The following CCDC148 variants were observed in gnomAD, a reference collection of about 807,000 sequenced individuals.
CCDC148 encodes the protein coiled-coil domain containing 148, also known as coiled-coil domain-containing protein 148.
A neutral mutation model predicts 85.7 loss-of-function variants in CCDC148; 89 were observed. That is an observed-to-expected ratio of 1.04 (90% confidence interval 0.87 to 1.24). The LOEUF (loss-of-function observed/expected upper bound fraction) is 1.24, where lower values mean the gene tolerates loss of function less well. Among genes scored for constraint, CCDC148 ranks in the 50% most tolerant of loss-of-function variants. The pLI is 0.00. For synonymous variants in CCDC148, 230 were observed against 213.9 expected (o/e 1.08, Z -0.66); for missense variants, 692 against 671.7 (o/e 1.03, Z -0.33).
At chr2:158,329,667 G>A (rs1692989148) in intron 7 of CCDC148, among the ~76,000 whole-genome samples, 1 of 151,946 alleles carries the variant, frequency 6.6e-6, no homozygotes, top group Admixed American at 6.6e-5. Flanking sequence ...CCATTTGTTT[G>A]TATCCTCTTT....
At chr2:158,174,468 A>G (rs953320608) in intron 13 of CCDC148, among the ~76,000 whole-genome samples, 4 of 151,918 alleles carry the variant, frequency 2.6e-5, no homozygotes, top group African/African-American at 9.6e-5. Context: ...ACCCCCACCA[A>G]TTTTCCATTC....
At chr2:158,192,125 A>G (rs189478500) in intron 11 of CCDC148, among the ~76,000 whole-genome samples, 104 of 152,210 alleles carry the variant, frequency 6.8e-4, no homozygotes, top group African/African-American at 2.4e-3. Flanking sequence ...AATAATATGT[A>G]GATCACTGAT....
At chr2:158,281,144 T>C (rs1690270748) in intron 9 of CCDC148, among the ~76,000 whole-genome samples, 1 of 152,112 alleles carries the variant, frequency 6.6e-6, no homozygotes, top group South Asian at 2.1e-4. Flanking sequence ...ACAGGGAAAT[T>C]TATAGCACTA....
At chr2:158,421,774 C>A (rs569701017) in intron 1 of CCDC148, among the ~76,000 whole-genome samples, 6 of 152,048 alleles carry the variant, frequency 3.9e-5, no homozygotes, top group African/African-American at 1.4e-4. Flanking sequence ...CACAAAAAAC[C>A]CTTCAAAAAA....
At chr2:158,277,051 T>C (rs964742381) in intron 9 of CCDC148, among the ~76,000 whole-genome samples, 9 of 152,180 alleles carry the variant, frequency 5.9e-5, no homozygotes, top group Admixed American at 1.3e-4. Context: ...GTAGCTCAAC[T>C]CTCCTCTTTG....
intron 1 of CCDC148, among the ~76,000 whole-genome samples, chr2:158,371,646 A>G (rs1684445113): frequency 6.6e-6 from 1 of 151,378 alleles, no homozygotes; most frequent in South Asian, 2.1e-4. Flanking sequence ...ATCTTTCCAT[A>G]TCATTCTATT....
intron 11 of CCDC148, among the ~76,000 whole-genome samples, chr2:158,207,954 G>GACACACACAC (rs34660144): frequency 1.5e-4 from 22 of 149,092 alleles, no homozygotes; most frequent in African/African-American, 2.9e-4. Flanking sequence ...ATTTTGATCT[G>GACACACACAC]ACACACACAC....
chr2:158,199,737 T>G (rs915113115), intron 11 of CCDC148, among the ~76,000 whole-genome samples: 1 of 152,170 alleles, frequency 6.6e-6, no homozygotes, highest in Non-Finnish European at 1.5e-5. Flanking sequence ...ATGACAGTTA[T>G]TAGTAAAAAT....
At chr2:158,319,661 C>T (rs1559067674) in intron 7 of CCDC148, among the ~76,000 whole-genome samples, 1 of 152,132 alleles carries the variant, frequency 6.6e-6, no homozygotes, top group Non-Finnish European at 1.5e-5. Context: ...ATTGGGTATT[C>T]TCTTATAGCT....
At chr2:158,229,919 T>C (rs571272300) in intron 10 of CCDC148, among the ~76,000 whole-genome samples, 4 of 152,158 alleles carry the variant, frequency 2.6e-5, no homozygotes, top group Non-Finnish European at 5.9e-5. Flanking sequence ...AGCAACTCGC[T>C]TTTTCCCATG....
chr2:158,231,597 C>T (rs1366334385), intron 10 of CCDC148, among the ~76,000 whole-genome samples: 1 of 152,120 alleles, frequency 6.6e-6, no homozygotes, highest in East Asian at 1.9e-4. Flanking sequence ...TCTCCCTCTC[C>T]CTCTCCTCCA....
intron 3 of CCDC148, among the ~76,000 whole-genome samples, chr2:158,343,978 C>T (rs1574657145): frequency 6.6e-6 from 1 of 152,004 alleles, no homozygotes; most frequent in Non-Finnish European, 1.5e-5. Context: ...GATATGTATA[C>T]ACCTCTTCTA....
chr2:158,270,692 A>G (rs1358799512), intron 9 of CCDC148, among the ~76,000 whole-genome samples: 1 of 152,234 alleles, frequency 6.6e-6, no homozygotes, highest in Admixed American at 6.5e-5. Context: ...AGATTTCTCA[A>G]GTTCCTTGAT....
chr2:158,454,255 T>C (rs1241006276), intron 1 of CCDC148, among the ~76,000 whole-genome samples: 2 of 152,040 alleles, frequency 1.3e-5, no homozygotes, highest in African/African-American at 2.4e-5. Flanking sequence ...TAGATAGAGA[T>C]GGTGGTAGGG....
chr2:158,325,873 C>A (rs924967705), intron 7 of CCDC148, among the ~76,000 whole-genome samples: 7 of 152,124 alleles, frequency 4.6e-5, no homozygotes, highest in Non-Finnish European at 1.0e-4. Flanking sequence ...TAAAATATAT[C>A]CAAGAGCTGA....
At chr2:158,439,112 C>A (rs567310481) in intron 1 of CCDC148, among the ~76,000 whole-genome samples, 1 of 152,248 alleles carries the variant, frequency 6.6e-6, no homozygotes, top group South Asian at 2.1e-4. Context: ...TTGACCCAGC[C>A]ATCCCATTAC....
intron 1 of CCDC148, among the ~76,000 whole-genome samples, chr2:158,419,581 T>C (rs1474050737): frequency 6.6e-6 from 1 of 152,218 alleles, no homozygotes; most frequent in African/African-American, 2.4e-5. Flanking sequence ...GGATTAGTAA[T>C]GTTTGTATGC....
intron 1 of CCDC148, among the ~76,000 whole-genome samples, chr2:158,362,694 T>C (rs188799933): frequency 1.3e-5 from 2 of 152,224 alleles, no homozygotes; most frequent in Admixed American, 1.3e-4. Context: ...TTGATAGCAC[T>C]AAATGCCCAC....
At chr2:158,360,329 C>T (rs1213418454) in intron 1 of CCDC148, among the ~76,000 whole-genome samples, 1 of 152,176 alleles carries the variant, frequency 6.6e-6, no homozygotes. Context: ...TGCTAGGGGT[C>T]AGACTGCCTC....
Sources: allele counts gnomAD v4.1 joint callset (sites outside exome capture counted in the v4.1 genomes callset), GRCh38; gene constraint gnomAD v4.1.1; transcripts MANE v1.5; gene names NCBI Gene and HGNC (gene_info 2026-07-23, HGNC 2026-07-21).